Variants in OGG1 observed in about 807,000 individuals in gnomAD.
The protein encoded by OGG1 is 8-oxoguanine DNA glycosylase.
In OGG1, 35 loss-of-function variants were observed where a neutral mutation model predicts 42.3. The observed-to-expected ratio is 0.83, with a 90% CI of 0.63 to 1.10. The LOEUF (loss-of-function observed/expected upper bound fraction) is 1.10. Among genes scored for constraint, OGG1 ranks in the 50% least tolerant of loss-of-function variants. OGG1 has a pLI of 0.00. For missense variants in OGG1, 484 were observed against 446.7 expected (o/e 1.08, Z -0.75); for synonymous variants, 189 against 179.0 (o/e 1.06, Z -0.44).
At chr3:9,787,937 G>A (rs988686070) in exon 4 of OGG1, 4 of 360,018 alleles carry the variant, frequency 1.1e-5, no homozygotes, top group East Asian at 7.4e-5. Context: ...AGAGACCAGC[G>A]AGGAGGCTGT....
chr3:9,784,091 T>C (rs1224189470), intron 3 of OGG1: 1 of 1,614,060 alleles, frequency 6.2e-7, no homozygotes, highest in African/African-American at 1.3e-5. Flanking sequence ...AGCCTGCCGT[T>C]TGCGAAGCTC....
At chr3:9,757,758 T>G (rs201838059), downstream of OGG1, 1 of 1,614,160 alleles carries the variant, frequency 6.2e-7, no homozygotes, top group African/African-American at 1.3e-5. This position sits in a 1 kb window ranked among gnomAD's most constrained non-coding sequence, Gnocchi z 4.5. Flanking sequence ...CAGCTCCCCA[T>G]GGCTCGCCGT....
chr3:9,785,987 G>A, intron 3 of OGG1, among the ~76,000 whole-genome samples: 1 of 151,190 alleles, frequency 6.6e-6, no homozygotes, highest in Non-Finnish European at 1.5e-5. Flanking sequence ...CCCAGGCTGT[G>A]GAGTGCAGTG....
At chr3:9,767,242 C>T (rs147743776), downstream of OGG1, among the ~76,000 whole-genome samples, 51 of 152,306 alleles carry the variant, frequency 3.3e-4, no homozygotes, top group African/African-American at 1.2e-3. Context: ...AATTGGAGCA[C>T]AGCACACACC....
intron 3 of OGG1, chr3:9,783,224 G>GAA (rs1482224203): frequency 2.0e-5 from 3 of 151,782 alleles, no homozygotes; most frequent in African/African-American, 2.4e-5. Context: ...AAAAAGAAAA[G>GAA]AAGCATGAAA....
At chr3:9,787,186 G>T (rs774153266) in intron 3 of OGG1, 3 of 1,614,218 alleles carry the variant, frequency 1.9e-6, no homozygotes, top group Non-Finnish European at 2.5e-6. Context: ...TGGCAGGGAG[G>T]TGAGAGGCCT....
chr3:9,781,282 A>AAT (rs145898207), intron 2 of OGG1, among the ~76,000 whole-genome samples: 33 of 150,880 alleles, frequency 2.2e-4, no homozygotes, highest in African/African-American at 2.9e-4. Flanking sequence ...CTGTCTCTAA[A>AAT]ATATATATAT....
chr3:9,761,604 A>C, downstream of OGG1: 1 of 1,613,894 alleles, frequency 6.2e-7, no homozygotes, highest in Non-Finnish European at 8.5e-7. Flanking sequence ...CCCCACCATC[A>C]CAGCCCCAGC....
At chr3:9,752,484 G>T (rs981940899) in intron 3 of OGG1, among the ~76,000 whole-genome samples, 1 of 138,128 alleles carries the variant, frequency 7.2e-6, no homozygotes, top group African/African-American at 2.8e-5. Flanking sequence ...GGCTAACACA[G>T]TGAAACCCCG....
Position 9,751,092 on chromosome 3 carries a change from C to G in OGG1, c.285C>G (p.Ala95=), listed in dbSNP as rs771314743. Residue 95 remains alanine (A), a synonymous_variant, in exon 2 of 7, where the codon GCC becomes GCG. Coordinates refer to ENST00000344629, the MANE Select transcript of OGG1 (RefSeq NM_002542.6). ...GGCCCACACCAGACGAGCTGGAGGCCGTGCGCAAGTACTTCCAGCTAGATG... is the reference window on the plus strand; with the variant it reads ...GGCCCACACCAGACGAGCTGGAGGCGGTGCGCAAGTACTTCCAGCTAGATG... ...ASRPTPDELE[A]VRKYFQLDVT... 1 of 1,614,086 alleles carries G rather than the reference C, an allele frequency of 6.2e-7. No homozygotes were observed. Among genetic ancestry groups the G allele is most frequent in the South Asian group, 1.1e-5 (1 of 91,062 alleles).
At chr3:9,776,271 A>G (rs907032241) in intron 2 of OGG1, among the ~76,000 whole-genome samples, 4 of 151,720 alleles carry the variant, frequency 2.6e-5, no homozygotes, top group African/African-American at 9.7e-5. Flanking sequence ...TCTGCCCAGC[A>G]ATTTTCTTTC....
At chr3:9,788,007 G>T (rs1055530604) in exon 4 of OGG1, 6 of 303,260 alleles carry the variant, frequency 2.0e-5, no homozygotes, top group Admixed American at 9.4e-5. Context: ...AATGAAGAGG[G>T]ATATGGCCGA....
chr3:9,751,655 C>G lies in OGG1; in HGVS notation c.386-115C>G, dbSNP rs145005049. ...GTTGCTTTCTCTAACGGTGCTGACT[C>G]TCATTCTCCTGGGATCCTCCTGGAG... On this transcript the variant is annotated intron_variant, in intron 2 of 6. Coordinates refer to ENST00000344629, the MANE Select transcript of OGG1 (RefSeq NM_002542.6). 231 of 963,962 alleles carry G rather than the reference C, an allele frequency of 2.4e-4. No individual in the cohort carries two copies. The African/African-American group carries it at 3.4e-3, about 14-fold the overall frequency. The allele number at this position is 963,962 out of a possible 1,614,324, so 59.7% of individuals were successfully genotyped here.
At chr3:9,772,439 G>A (rs670009) in intron 2 of OGG1, among the ~76,000 whole-genome samples, 77 of 152,202 alleles carry the variant, frequency 5.1e-4, no homozygotes, top group Non-Finnish European at 9.8e-4. Context: ...GACTGGAACT[G>A]GAGATGTAGT....
At position 9,757,137 on chromosome 3, in the gene OGG1, G is replaced by T. The variant is rs531262405; in HGVS notation, c.1025G>T (p.Gly342Val). Reference protein sequence around the residue: ...PPAKRRKGSKGPEG With the variant: ...PPAKRRKGSKVPEG Reference sequence around the variant, plus strand: ...GCAAAGCGCAGAAAGGGTTCCAAAGGGCCGGAAGGCTAGATGGGGCACCCT... The same window carrying T: ...GCAAAGCGCAGAAAGGGTTCCAAAGTGCCGGAAGGCTAGATGGGGCACCCT... The change falls in exon 7 of 7, where the codon GGG becomes GTG. Residue 342 changes from glycine to valine, a missense_variant. Physicochemically the swap from Gly to Val is moderately radical, Grantham distance 109. Transcript: ENST00000344629. This position sits in a 1 kb window ranked among gnomAD's most constrained non-coding sequence, Gnocchi z 4.5. 1.2e-6 allele frequency: 2 copies of T among 1,614,102 alleles called. No homozygotes were observed. Among genetic ancestry groups the T allele is most frequent in the Admixed American group, 1.7e-5 (1 of 60,006 alleles).
chr3:9,763,037 C>T (rs1180306959), intron 7 of OGG1: 1 of 1,614,006 alleles, frequency 6.2e-7, no homozygotes, highest in African/African-American at 1.3e-5. Context: ...GGTCAAAGAG[C>T]TCCCCACCCG....
chr3:9,759,094 C>T, downstream of OGG1: 16 of 1,039,408 alleles, frequency 1.5e-5, no homozygotes, highest in Non-Finnish European at 2.4e-5. Flanking sequence ...TCCCCTCAGC[C>T]CCTCCAGTCT....
downstream of OGG1, chr3:9,759,177 T>A: frequency 6.2e-7 from 1 of 1,604,268 alleles, no homozygotes; most frequent in Non-Finnish European, 8.5e-7. Flanking sequence ...AATTCCTACT[T>A]AACTGACAGC....
At chr3:9,776,266 C>A (rs2078362076) in intron 2 of OGG1, among the ~76,000 whole-genome samples, 1 of 152,106 alleles carries the variant, frequency 6.6e-6, no homozygotes, top group African/African-American at 2.4e-5. Context: ...TATCTTCTGC[C>A]CAGCAATTTT....
Sources: allele counts gnomAD v4.1 joint callset (sites outside exome capture counted in the v4.1 genomes callset), GRCh38; gene constraint gnomAD v4.1.1; non-coding constraint Gnocchi (gnomAD v3.1); transcripts MANE v1.5; gene names NCBI Gene and HGNC (gene_info 2026-07-23, HGNC 2026-07-21).